GPC5: variants seen among roughly 807,000 people sequenced by gnomAD.
GPC5 encodes glypican-5.
Under a neutral mutation model 53.9 loss-of-function variants are expected in GPC5, and 47 were observed. The ratio of observed to expected loss-of-function variants is 0.87; its 90% CI spans 0.69 to 1.11. GPC5 has a LOEUF of 1.11. Among genes scored for constraint, GPC5 ranks in the 50% most tolerant of loss-of-function variants. The pLI, the probability that GPC5 is intolerant of heterozygous loss-of-function variation, is 0.00. For missense variants in GPC5, 748 were observed against 713.1 expected, an observed-to-expected ratio of 1.05 and a Z score of -0.56; for synonymous variants, 286 against 263.3, an observed-to-expected ratio of 1.09 and a Z score of -0.84.
intron 5 of GPC5, among the ~76,000 whole-genome samples, chr13:91,824,418 A>G (rs2038543899): frequency 6.6e-6 from 1 of 152,044 alleles, no homozygotes; most frequent in Non-Finnish European, 1.5e-5. Context: ...AAAGTTTTAA[A>G]TGGCTCAGTA....
At chr13:91,737,564 C>T (rs1056556482) in intron 4 of GPC5, among the ~76,000 whole-genome samples, 30 of 151,244 alleles carry the variant, frequency 2.0e-4, no homozygotes, top group Non-Finnish European at 1.0e-4. Flanking sequence ...TGAAAATAAA[C>T]ACTATTCTAT....
chr13:92,675,685 T>C (rs1284890102), intron 7 of GPC5, among the ~76,000 whole-genome samples: 2 of 152,092 alleles, frequency 1.3e-5, no homozygotes. Context: ...ATGAATCTTA[T>C]AGTTTACTTA....
intron 2 of GPC5, among the ~76,000 whole-genome samples, chr13:91,649,785 A>G (rs1330626256): frequency 6.6e-6 from 1 of 152,206 alleles, no homozygotes; most frequent in Non-Finnish European, 1.5e-5. Flanking sequence ...AATGCATTTT[A>G]GTATACTCCA....
intron 7 of GPC5, among the ~76,000 whole-genome samples, chr13:92,282,363 C>T (rs1419188585): frequency 6.6e-6 from 1 of 152,138 alleles, no homozygotes; most frequent in East Asian, 1.9e-4. Flanking sequence ...CCTAGCAAGG[C>T]AGGCCAACAT....
At chr13:92,335,035 C>T (rs532071525) in intron 7 of GPC5, among the ~76,000 whole-genome samples, 33 of 152,176 alleles carry the variant, frequency 2.2e-4, no homozygotes, top group African/African-American at 7.5e-4. Flanking sequence ...CTTCTCACAG[C>T]TCCACTAGGC....
At chr13:92,163,008 A>C (rs2042001207) in intron 7 of GPC5, among the ~76,000 whole-genome samples, 1 of 152,140 alleles carries the variant, frequency 6.6e-6, no homozygotes, top group Non-Finnish European at 1.5e-5. Context: ...TCGTCATTAC[A>C]TTCTTGGGAT....
chr13:92,593,785 A>G (rs1476692105), intron 7 of GPC5, among the ~76,000 whole-genome samples: 1 of 152,218 alleles, frequency 6.6e-6, no homozygotes, highest in East Asian at 1.9e-4. Context: ...GACAATCAAC[A>G]GCATCAAATG....
intron 6 of GPC5, among the ~76,000 whole-genome samples, chr13:92,004,949 C>T (rs1372358807): frequency 6.6e-6 from 1 of 152,084 alleles, no homozygotes; most frequent in South Asian, 2.1e-4. Flanking sequence ...ATTTAGATGG[C>T]TTGCTTTTAT....
At chr13:92,841,245 T>C (rs1878419220) in intron 7 of GPC5, among the ~76,000 whole-genome samples, 1 of 152,120 alleles carries the variant, frequency 6.6e-6, no homozygotes, top group Non-Finnish European at 1.5e-5. Context: ...TCAGTCTTAT[T>C]AAACAAGACC....
intron 7 of GPC5, among the ~76,000 whole-genome samples, chr13:92,222,659 T>C (rs1273029078): frequency 6.6e-6 from 1 of 152,192 alleles, no homozygotes; most frequent in Non-Finnish European, 1.5e-5. Context: ...TGTGGTTCTT[T>C]TCTGTAATCC....
chr13:92,268,161 G>A (rs746218934), intron 7 of GPC5, among the ~76,000 whole-genome samples: 10 of 151,660 alleles, frequency 6.6e-5, no homozygotes, highest in Non-Finnish European at 1.5e-4. Context: ...GTGCTATCAC[G>A]TAAACTGTTC....
At chr13:92,304,331 A>G (rs572431228) in intron 7 of GPC5, among the ~76,000 whole-genome samples, 3 of 151,896 alleles carry the variant, frequency 2.0e-5, no homozygotes, top group South Asian at 4.2e-4. Context: ...CAGCCTCCCA[A>G]GTAGCTGGGA....
intron 2 of GPC5, among the ~76,000 whole-genome samples, chr13:91,659,998 G>A (rs1043740513): frequency 2.0e-5 from 3 of 152,186 alleles, no homozygotes; most frequent in African/African-American, 7.2e-5. Context: ...GAATAGAGAA[G>A]CTTAATAGAG....
At chr13:92,202,047 C>T (rs570842435) in intron 7 of GPC5, among the ~76,000 whole-genome samples, 54 of 152,274 alleles carry the variant, frequency 3.5e-4, no homozygotes, top group African/African-American at 1.3e-3. Context: ...TCTTCATTTA[C>T]ACTATAAAGA....
At chr13:91,984,506 G>A (rs954583125) in intron 6 of GPC5, among the ~76,000 whole-genome samples, 5 of 152,304 alleles carry the variant, frequency 3.3e-5, no homozygotes, top group Non-Finnish European at 5.9e-5. Flanking sequence ...GTACTGCAAA[G>A]AGCACGCTCA....
chr13:91,660,245 G>T (rs1160929497), intron 2 of GPC5, among the ~76,000 whole-genome samples: 1 of 152,208 alleles, frequency 6.6e-6, no homozygotes, highest in Non-Finnish European at 1.5e-5. Flanking sequence ...TGGATGGTTT[G>T]CTGCAGAGGT....
intron 2 of GPC5, among the ~76,000 whole-genome samples, chr13:91,555,138 A>T (rs1477396999): frequency 8.5e-5 from 13 of 152,064 alleles, no homozygotes; most frequent in Admixed American, 8.5e-4. Context: ...CCCTTCACCC[A>T]GTTCCCCCCA....
intron 6 of GPC5, among the ~76,000 whole-genome samples, chr13:91,977,748 A>G (rs1244601510): frequency 3.3e-5 from 5 of 152,178 alleles, no homozygotes; most frequent in African/African-American, 4.8e-5. Flanking sequence ...AATAATTCTC[A>G]TCTTGTTTTA....
At chr13:92,308,828 T>G (rs2043127828) in intron 7 of GPC5, among the ~76,000 whole-genome samples, 1 of 152,152 alleles carries the variant, frequency 6.6e-6, no homozygotes, top group Non-Finnish European at 1.5e-5. Context: ...GGGTTTCTTC[T>G]TTCTTAGCAC....
Sources: allele counts gnomAD v4.1 joint callset (sites outside exome capture counted in the v4.1 genomes callset), GRCh38; gene constraint gnomAD v4.1.1; transcripts MANE v1.5; gene names NCBI Gene and HGNC (gene_info 2026-07-23, HGNC 2026-07-21).